Variants in TMEM131L observed in about 807,000 individuals in gnomAD.
The protein encoded by TMEM131L is transmembrane protein 131-like.
In TMEM131L, 54 loss-of-function variants were observed where a neutral mutation model predicts 192.2. The observed-to-expected ratio is 0.28, with a 90% confidence interval of 0.23 to 0.35. The LOEUF is 0.35. TMEM131L is among the 10% of genes least tolerant of loss of function. The probability of loss-of-function intolerance (pLI) is 1.00; values close to 1 mark genes in which losing one functional copy is unlikely to be tolerated. For synonymous variants in TMEM131L, 701 were observed against 704.9 expected (o/e 0.99, Z 0.09); for missense variants, 1,888 against 1,972.9 (o/e 0.96, Z 0.82).
intron 21 of TMEM131L, among the ~76,000 whole-genome samples, chr4:153,601,308 G>A (rs1731824200): frequency 6.6e-6 from 1 of 152,144 alleles, no homozygotes; most frequent in Non-Finnish European, 1.5e-5. Context: ...GAGGTTGGAG[G>A]ATTGCTTGAG....
intron 3 of TMEM131L, among the ~76,000 whole-genome samples, chr4:153,542,647 A>C (rs1403470538): frequency 6.6e-6 from 1 of 152,246 alleles, no homozygotes; most frequent in African/African-American, 2.4e-5. Flanking sequence ...AGTACTTAAT[A>C]AATTTACTTG....
intron 26 of TMEM131L, among the ~76,000 whole-genome samples, chr4:153,617,230 C>A (rs572093291): frequency 6.6e-5 from 10 of 152,286 alleles, no homozygotes; most frequent in East Asian, 3.9e-4. Context: ...CATGTGAGAC[C>A]TGCCTTTCAC....
chr4:153,560,444 C>CT (rs1231993582), intron 7 of TMEM131L, among the ~76,000 whole-genome samples: 6 of 152,210 alleles, frequency 3.9e-5, no homozygotes, highest in Non-Finnish European at 7.4e-5. Context: ...TGTTTCTTTT[C>CT]TTTTTTGTAT....
chr4:153,496,319 A>G (rs1733166004), intron 3 of TMEM131L, among the ~76,000 whole-genome samples: 1 of 152,244 alleles, frequency 6.6e-6, no homozygotes. Flanking sequence ...TACAAAAATT[A>G]AATACGGGGC....
intron 3 of TMEM131L, among the ~76,000 whole-genome samples, chr4:153,536,306 A>G (rs2014504): frequency 0.031 from 4,744 of 152,304 alleles, 187 homozygotes; most frequent in African/African-American, 0.1. Context: ...CTTCAGCAAT[A>G]ACACTTCAGT....
chr4:153,603,652 T>C (rs747071389), intron 24 of TMEM131L, 150 bp from the exon 25 acceptor site: 171 of 1,024,198 alleles, frequency 1.7e-4, no homozygotes, highest in Non-Finnish European at 2.3e-4. Flanking sequence ...GGTATTCTCA[T>C]TGGCAGAAAA....
At chr4:153,559,249 A>C (rs1353054349) in intron 7 of TMEM131L, among the ~76,000 whole-genome samples, 2 of 152,256 alleles carry the variant, frequency 1.3e-5, no homozygotes, top group African/African-American at 4.8e-5. Flanking sequence ...TTTATCACCA[A>C]GTACATAATT....
intron 4 of TMEM131L, chr4:153,554,219 C>T (rs1737836786): frequency 6.6e-6 from 1 of 152,014 alleles, no homozygotes; most frequent in South Asian, 2.1e-4. Context: ...AGATACAAGC[C>T]CACTGCTCTG....
At position 153,602,529 on chromosome 4, in the gene TMEM131L, CTT is replaced by C. The variant is rs747255865; in HGVS notation, c.2454-10_2454-9del. 2.3e-5 allele frequency: 37 copies of C among 1,612,472 alleles called. No homozygotes were observed. The highest frequency in any genetic ancestry group is 2.0e-4 in the Admixed American group (12 of 59,784). On this transcript the variant is annotated splice_polypyrimidine_tract_variant and intron_variant, in intron 22 of 34. Transcript: ENST00000409959. Reference sequence around the variant, plus strand: ...CAATTAAAAGTTCATAAAGATGACTCTTTTATTTTCAGGTTCACTCCAGACTT... The same window carrying C: ...CAATTAAAAGTTCATAAAGATGACTCTTATTTTCAGGTTCACTCCAGACTT...
intron 3 of TMEM131L, among the ~76,000 whole-genome samples, chr4:153,501,699 C>T (rs982302206): frequency 6.6e-6 from 1 of 152,036 alleles, no homozygotes; most frequent in African/African-American, 2.4e-5. Flanking sequence ...AGACAGAAAA[C>T]CCAGTAACAT....
chr4:153,573,133 G>C (rs1729702797), intron 7 of TMEM131L, among the ~76,000 whole-genome samples: 2 of 152,200 alleles, frequency 1.3e-5, no homozygotes, highest in African/African-American at 4.8e-5. Context: ...GTCTTGCCAT[G>C]AAGATGGGTG....
intron 26 of TMEM131L, among the ~76,000 whole-genome samples, chr4:153,613,799 G>A (rs1349153737): frequency 1.3e-5 from 2 of 152,144 alleles, no homozygotes; most frequent in Non-Finnish European, 2.9e-5. Flanking sequence ...TTTCTGAGTG[G>A]TGGGATTTTG....
chr4:153,482,128 A>G (rs1163441459), intron 3 of TMEM131L, among the ~76,000 whole-genome samples: 1 of 152,082 alleles, frequency 6.6e-6, no homozygotes, highest in African/African-American at 2.4e-5. Flanking sequence ...ACAGGTGTAC[A>G]CCACCGTGCC....
chr4:153,568,851 A>G (rs1394428583), intron 7 of TMEM131L, among the ~76,000 whole-genome samples: 1 of 152,136 alleles, frequency 6.6e-6, no homozygotes, highest in African/African-American at 2.4e-5. Flanking sequence ...AGAGAACTAA[A>G]ACCGGCTTTG....
chr4:153,498,639 T>C (rs909581182), intron 3 of TMEM131L, among the ~76,000 whole-genome samples: 3 of 152,164 alleles, frequency 2.0e-5, no homozygotes, highest in African/African-American at 7.2e-5. Flanking sequence ...TTAGGGTTTA[T>C]AGAGAGTGTG....
At chr4:153,534,136 G>A (rs115567952) in intron 3 of TMEM131L, among the ~76,000 whole-genome samples, 344 of 152,258 alleles carry the variant, frequency 2.3e-3, no homozygotes, top group East Asian at 0.016. Context: ...GGTTTGGGAA[G>A]GTTTTCTTTC....
Position 153,596,534 on chromosome 4 carries a change from A to T in TMEM131L, c.2123+149A>T, listed in dbSNP as rs1731454649. 4 of 893,944 alleles carry T rather than the reference A, an allele frequency of 4.5e-6. No homozygotes were observed. In the South Asian group the frequency reaches 6.6e-5, roughly 15 times the overall value. The allele number at this position is 893,944 out of a possible 1,614,324, so 55.4% of individuals were successfully genotyped here. On this transcript the variant is annotated intron_variant, in intron 20 of 34. Transcript: ENST00000409959. ...TAGGAAGAAGTGGAAGCTGAGAAAG[A>T]GGTCACTGGAGGCTTGACAAGTAAT...
chr4:153,522,633 C>G lies in TMEM131L; in HGVS notation c.240-27440C>G, dbSNP rs78610220. On this transcript the variant is annotated intron_variant, in intron 3 of 34. Coordinates refer to ENST00000409959, the MANE Select transcript of TMEM131L (RefSeq NM_001131007.2). Reference sequence around the variant, plus strand: ...GATGGAGTTCCTTAAGAGCAAGGTCCTTCAGTTATTTCTTATTTTTTATCC... The same window carrying G: ...GATGGAGTTCCTTAAGAGCAAGGTCGTTCAGTTATTTCTTATTTTTTATCC... Among the ~76,000 whole-genome samples, 1,070 of 152,268 alleles carry G rather than the reference C, an allele frequency of 7.0e-3. 18 individuals are homozygous for G. The highest frequency in any genetic ancestry group is 0.024 in the African/African-American group (1,009 of 41,556).
At chr4:153,600,977 G>A (rs1731798991) in intron 21 of TMEM131L, among the ~76,000 whole-genome samples, 1 of 152,092 alleles carries the variant, frequency 6.6e-6, no homozygotes, top group African/African-American at 2.4e-5. Context: ...GGGCGTGGTG[G>A]CACATGCCTG....
Sources: allele counts gnomAD v4.1 joint callset (sites outside exome capture counted in the v4.1 genomes callset), GRCh38; gene constraint gnomAD v4.1.1; transcripts MANE v1.5; gene names NCBI Gene and HGNC (gene_info 2026-07-23, HGNC 2026-07-21).